TTC28: variants seen among roughly 807,000 people sequenced by gnomAD.
TTC28 encodes the protein tetratricopeptide repeat protein 28.
In TTC28, 61 loss-of-function variants were observed where a neutral mutation model predicts 198.0. The observed-to-expected ratio is 0.31, with a 90% confidence interval of 0.25 to 0.38. TTC28 has a LOEUF of 0.38. TTC28 is among the 10% of genes least tolerant of loss of function. TTC28 has a pLI of 1.00. For synonymous variants in TTC28, 1,171 were observed against 1,297.8 expected, an observed-to-expected ratio of 0.90 and a Z score of 2.10; for missense variants, 2,678 against 3,164.0, an observed-to-expected ratio of 0.85 and a Z score of 3.69.
intron 12 of TTC28, among the ~76,000 whole-genome samples, chr22:28,066,334 T>C (rs1044210795): frequency 1.3e-5 from 2 of 151,164 alleles, no homozygotes; most frequent in Non-Finnish European, 2.9e-5. Context: ...CGCGCGCGCA[T>C]GCATGTGTAG....
At chr22:28,515,436 C>G (rs918168276) in intron 2 of TTC28, among the ~76,000 whole-genome samples, 2 of 152,080 alleles carry the variant, frequency 1.3e-5, no homozygotes, top group African/African-American at 4.8e-5. Flanking sequence ...TAAAACCACA[C>G]GTGGGCATAT....
intron 12 of TTC28, among the ~76,000 whole-genome samples, chr22:28,054,686 C>T (rs1009048948): frequency 6.6e-6 from 1 of 152,082 alleles, no homozygotes; most frequent in Non-Finnish European, 1.5e-5. Flanking sequence ...ATCTCCAATC[C>T]CCAGCTCATG....
chr22:28,533,442 A>C (rs1334680941), intron 2 of TTC28, among the ~76,000 whole-genome samples: 2 of 152,230 alleles, frequency 1.3e-5, no homozygotes, highest in African/African-American at 4.8e-5. Context: ...TTCCATGCTC[A>C]TGGATACGAA....
chr22:28,008,185 C>A (rs1294094844), intron 14 of TTC28: 1 of 152,222 alleles, frequency 6.6e-6, no homozygotes, highest in Non-Finnish European at 1.5e-5. Context: ...ATCCTGCTAC[C>A]TGATTTTGCA....
At chr22:28,267,967 G>A (rs573683709) in intron 5 of TTC28, among the ~76,000 whole-genome samples, 13 of 152,216 alleles carry the variant, frequency 8.5e-5, no homozygotes, top group African/African-American at 3.1e-4. Flanking sequence ...TTTAATATCA[G>A]GTATTTTACC....
chr22:28,093,943 TGCA>T, intron 12 of TTC28, 134 bp downstream of exon 12: 2 of 864,662 alleles, frequency 2.3e-6, no homozygotes, highest in Non-Finnish European at 3.4e-6. Flanking sequence ...TTGTTTCTGC[TGCA>T]GCAGCTGTGA....
chr22:28,018,288 CGCGCGTGTGT>C (rs1213067425), intron 13 of TTC28, among the ~76,000 whole-genome samples: 5 of 72,792 alleles, frequency 6.9e-5, no homozygotes, highest in Admixed American at 5.8e-4. Context: ...TATGTGTGTG[CGCGCGTGTGT>C]GCGCGCGCGG....
intron 5 of TTC28, among the ~76,000 whole-genome samples, chr22:28,284,106 G>T (rs1229250882): frequency 1.3e-5 from 2 of 152,140 alleles, no homozygotes; most frequent in Admixed American, 6.5e-5. Context: ...ACCATAGGAG[G>T]TTTGCCAGGA....
chr22:28,033,987 C>G (rs1939233171), intron 12 of TTC28, among the ~76,000 whole-genome samples: 1 of 152,060 alleles, frequency 6.6e-6, no homozygotes, highest in Non-Finnish European at 1.5e-5. Flanking sequence ...ACTGAATGGA[C>G]AATCATTACA....
chr22:28,153,856 T>C (rs925853294), intron 6 of TTC28, among the ~76,000 whole-genome samples: 1 of 152,222 alleles, frequency 6.6e-6, no homozygotes, highest in Non-Finnish European at 1.5e-5. Flanking sequence ...ATTAGGTATC[T>C]GACCTCAGGC....
At chr22:28,153,408 A>AC (rs974079024) in intron 6 of TTC28, among the ~76,000 whole-genome samples, 5 of 150,814 alleles carry the variant, frequency 3.3e-5, no homozygotes, top group African/African-American at 1.2e-4. Context: ...AAAAAAAAAA[A>AC]AAAAAAAAAA....
chr22:28,449,331 T>C (rs1297387475), intron 2 of TTC28, among the ~76,000 whole-genome samples: 3 of 152,238 alleles, frequency 2.0e-5, no homozygotes, highest in African/African-American at 4.8e-5. Context: ...CTGAAATCTA[T>C]AATGCAAGCC....
intron 1 of TTC28, chr22:28,643,347 A>G (rs1165152087): frequency 6.6e-6 from 1 of 152,224 alleles, no homozygotes; most frequent in African/African-American, 2.4e-5. Context: ...AGGCTGTCAT[A>G]AAGATACATA....
At position 28,580,342 on chromosome 22, in the gene TTC28, C is replaced by T. The variant is rs141611019; in HGVS notation, c.381+49210G>A. Among the ~76,000 whole-genome samples, 356 of 152,176 alleles carry T rather than the reference C, an allele frequency of 2.3e-3. 3 individuals carry two copies. The Middle Eastern group carries it at 0.044, about 19-fold the overall frequency. On this transcript the variant is annotated intron_variant, in intron 2 of 22. Transcript: ENST00000397906. ...TGCCCTTTATGGTATTTTTAATTTA[C>T]TTTTTCATGAGTCCCATGAATTTAT...
rs546585100 is a variant in TTC28, at chr22:28,614,987, C to A, written c.381+14565G>T. ...AGAGCTTCTGCACAGCAAAAAGAAA[C>A]TATCATCAGAGTGAACAGGAAACCT... On this transcript the variant is annotated intron_variant, in intron 2 of 22. Transcript: ENST00000397906. Among the ~76,000 whole-genome samples, 12 of 152,202 alleles carry A rather than the reference C, an allele frequency of 7.9e-5. No individual in the cohort carries two copies. The South Asian group carries it at 2.1e-3, about 26-fold the overall frequency.
intron 2 of TTC28, among the ~76,000 whole-genome samples, chr22:28,367,802 T>C (rs115513925): frequency 0.016 from 2,460 of 151,966 alleles, 90 homozygotes; most frequent in African/African-American, 0.057. Context: ...TGCCAATAAA[T>C]AGGAAAATCC....
intron 2 of TTC28, among the ~76,000 whole-genome samples, chr22:28,551,750 G>A (rs1394316679): frequency 1.1e-4 from 16 of 152,014 alleles, no homozygotes; most frequent in Non-Finnish European, 2.9e-5. Flanking sequence ...AGCCATCTTC[G>A]ACAAACCCAC....
chr22:28,328,403 T>C (rs1424819639), intron 2 of TTC28, among the ~76,000 whole-genome samples: 1 of 151,544 alleles, frequency 6.6e-6, no homozygotes. Flanking sequence ...ATCACACCAC[T>C]CCACTTCAGC....
At chr22:28,030,597 C>T (rs548916535) in intron 12 of TTC28, among the ~76,000 whole-genome samples, 27 of 152,264 alleles carry the variant, frequency 1.8e-4, no homozygotes, top group African/African-American at 5.8e-4. Context: ...GGGCTGTCAC[C>T]CCCGACTCTG....
Sources: allele counts gnomAD v4.1 joint callset (sites outside exome capture counted in the v4.1 genomes callset), GRCh38; gene constraint gnomAD v4.1.1; transcripts MANE v1.5; gene names NCBI Gene and HGNC (gene_info 2026-07-23, HGNC 2026-07-21).